The following MTUS2 variants were observed in gnomAD, a reference collection of about 807,000 sequenced individuals.
MTUS2 encodes microtubule-associated tumor suppressor candidate 2.
MTUS2 carries 40 observed loss-of-function variants against 114.1 expected under a neutral mutation model. The observed-to-expected ratio is 0.35, with a 90% CI of 0.27 to 0.46. MTUS2 has a LOEUF of 0.46. MTUS2 is among the 20% of genes least tolerant of loss of function. The pLI, the probability that MTUS2 is intolerant of heterozygous loss-of-function variation, is 1.00. For missense variants in MTUS2, 1,679 were observed against 1,705.4 expected, an observed-to-expected ratio of 0.98 and a Z score of 0.27; for synonymous variants, 688 against 672.0, an observed-to-expected ratio of 1.02 and a Z score of -0.37.
In MTUS2 at chr13:29,043,630, G is replaced by T. The variant is rs1471899486; in HGVS notation, c.2446+9505G>T. Among the ~76,000 whole-genome samples the T allele has an allele frequency of 1.9e-4, 29 of 149,024 alleles. No homozygotes were observed. The East Asian group carries it at 4.7e-3, about 24-fold the overall frequency. ...TAAATTTGGGAGCTCCAGTGTTAGA[G>T]ATATATATATATATATTTAGGGTTG... On this transcript the variant is annotated intron_variant, in intron 4 of 15. Transcript: ENST00000612955.
chr13:29,027,678 AGT>A, intron 3 of MTUS2, among the ~76,000 whole-genome samples: 1 of 152,160 alleles, frequency 6.6e-6, no homozygotes, highest in Non-Finnish European at 1.5e-5. Flanking sequence ...CAGCTTCCCT[AGT>A]ACCTGGGACT....
rs1870047139 is a variant in MTUS2 at position 29,359,439 on chromosome 13, C to G, written c.3083C>G (p.Ala1028Gly). The change falls in exon 8 of 16, where the codon GCC becomes GGC. Residue 1028 changes from alanine (A) to glycine (G), a missense_variant. Physicochemically the swap from Ala to Gly is moderately conservative, Grantham distance 60. This residue lies in a region of MTUS2 where 822 missense variants were observed against 899.7 expected (regional missense o/e 0.91). Coordinates refer to ENST00000612955, the MANE Select transcript of MTUS2 (RefSeq NM_001033602.4). ...ELKRAICGFD[A>G]LAVATQHFFR... The stretch of plus-strand genomic sequence containing the variant: ...AAGAGGGCCATCTGCGGCTTTGATG[C>G]CCTCGCCGTGGCCACGCAGCATTTC... 1 of 1,612,646 alleles carries G rather than the reference C, an allele frequency of 6.2e-7. No individual in the cohort carries two copies. The highest frequency in any genetic ancestry group is 8.5e-7 in the Non-Finnish European group (1 of 1,179,544).
intron 6 of MTUS2, among the ~76,000 whole-genome samples, chr13:29,282,378 G>C (rs1216508421): frequency 1.3e-5 from 2 of 152,366 alleles, no homozygotes; most frequent in African/African-American, 4.8e-5. Flanking sequence ...GGGCCTGCCA[G>C]ATTCAGTCCA....
chr13:28,860,515 G>T (rs1876903186), intron 2 of MTUS2, among the ~76,000 whole-genome samples: 1 of 152,224 alleles, frequency 6.6e-6, no homozygotes, highest in African/African-American at 2.4e-5. Context: ...CGGCTAGGAA[G>T]GGGGCTATCT....
intron 8 of MTUS2, among the ~76,000 whole-genome samples, chr13:29,391,641 A>G (rs1873475418): frequency 2.0e-5 from 1 of 49,298 alleles, no homozygotes; most frequent in African/African-American, 4.8e-5. Flanking sequence ...CTTTTTTAAA[A>G]TGTTTTTTTT....
intron 5 of MTUS2, among the ~76,000 whole-genome samples, chr13:29,245,375 A>T (rs1200231550): frequency 6.6e-6 from 1 of 152,138 alleles, no homozygotes; most frequent in Non-Finnish European, 1.5e-5. Flanking sequence ...TCCTGGGAAA[A>T]GATGAGTTTG....
intron 5 of MTUS2, among the ~76,000 whole-genome samples, chr13:29,208,007 A>G (rs186256640): frequency 1.3e-5 from 2 of 152,188 alleles, no homozygotes; most frequent in Admixed American, 1.3e-4. Context: ...ATTGGTACCA[A>G]TTCTTCTTTG....
intron 2 of MTUS2, among the ~76,000 whole-genome samples, chr13:29,002,813 A>G (rs779834378): frequency 3.3e-5 from 5 of 152,244 alleles, no homozygotes; most frequent in Admixed American, 6.5e-5. Flanking sequence ...CCCTCTTGAC[A>G]TAATTCAAAC....
At chr13:28,958,818 GT>G (rs1417232495) in intron 2 of MTUS2, among the ~76,000 whole-genome samples, 16 of 152,186 alleles carry the variant, frequency 1.1e-4, no homozygotes, top group African/African-American at 3.9e-4. Flanking sequence ...TGTCAGCAAG[GT>G]TAAATTCATT....
chr13:29,301,049 C>A (rs1566117892), intron 6 of MTUS2, among the ~76,000 whole-genome samples: 6 of 152,188 alleles, frequency 3.9e-5, no homozygotes, highest in Non-Finnish European at 8.8e-5. Context: ...CTTTAACCCA[C>A]CAGTCAGCAA....
At chr13:29,144,629 G>C (rs922670211) in intron 5 of MTUS2, among the ~76,000 whole-genome samples, 1 of 152,088 alleles carries the variant, frequency 6.6e-6, no homozygotes, top group Non-Finnish European at 1.5e-5. Flanking sequence ...TCATCTGGAG[G>C]TCACCCTCAG....
chr13:29,399,898 A>G (rs1286086527), intron 8 of MTUS2, among the ~76,000 whole-genome samples: 1 of 152,248 alleles, frequency 6.6e-6, no homozygotes, highest in African/African-American at 2.4e-5. Context: ...TAATGAAGCA[A>G]GGTGAATAAA....
At chr13:28,934,899 C>T (rs1383463864) in intron 2 of MTUS2, among the ~76,000 whole-genome samples, 1 of 152,076 alleles carries the variant, frequency 6.6e-6, no homozygotes, top group Non-Finnish European at 1.5e-5. Flanking sequence ...TACTGTGTAA[C>T]CACCATCCCC....
chr13:29,229,568 G>C (rs1566079405), intron 5 of MTUS2, among the ~76,000 whole-genome samples: 1 of 152,122 alleles, frequency 6.6e-6, no homozygotes. Context: ...TGTTTGGGTT[G>C]GACTCGGTCT....
At chr13:29,456,367 C>G (rs1280827370) in intron 9 of MTUS2, among the ~76,000 whole-genome samples, 2 of 152,122 alleles carry the variant, frequency 1.3e-5, no homozygotes, top group Admixed American at 1.3e-4. Flanking sequence ...GGGACTATAG[C>G]AACCAGGTCT....
chr13:29,118,495 T>A (rs987234982), intron 5 of MTUS2, among the ~76,000 whole-genome samples: 3 of 152,118 alleles, frequency 2.0e-5, no homozygotes, highest in Non-Finnish European at 1.5e-5. Context: ...ATTGTTGAAG[T>A]CCTACAACAT....
chr13:29,261,270 A>G (rs963805431), intron 5 of MTUS2, among the ~76,000 whole-genome samples: 5 of 152,200 alleles, frequency 3.3e-5, no homozygotes, highest in Non-Finnish European at 7.3e-5. Context: ...CCAGAAGCTA[A>G]GTCAAAGGAT....
chr13:29,480,224 A>C lies in MTUS2; in HGVS notation c.3259A>C (p.Lys1087Gln). Residue 1087 changes from lysine to glutamine, a missense_variant, in exon 10 of 16, where the codon AAG becomes CAG. This residue lies in a region of MTUS2 where 822 missense variants were observed against 899.7 expected (regional missense o/e 0.91). Transcript: ENST00000612955. The surrounding 1 kb of genome is among the most constrained non-coding windows in gnomAD (Gnocchi z 4.4). ...GGAGAGGCGGTTCGAGGACGAGGTG[A>C]AGAGGCTGGGCTGGCAGCAGCAGGC... Reference protein sequence around the residue: ...ELERRFEDEVKRLGWQQQAEL... With the variant: ...ELERRFEDEVQRLGWQQQAEL... The C allele has an allele frequency of 1.3e-6, 2 of 1,555,014 alleles. No individual in the cohort carries two copies. Among genetic ancestry groups the C allele is most frequent in the East Asian group, 4.8e-5 (2 of 41,346 alleles).
At chr13:29,294,652 A>G (rs146782597) in intron 6 of MTUS2, among the ~76,000 whole-genome samples, 1 of 152,352 alleles carries the variant, frequency 6.6e-6, no homozygotes, top group East Asian at 1.9e-4. Flanking sequence ...AAATGAAACA[A>G]GGCACAAGTT....
Sources: gnomAD v4.1 joint callset for allele counts (sites outside exome capture counted in the v4.1 genomes callset) on GRCh38, gnomAD v4.1.1 for gene constraint, gnomAD v4.1.1 regional missense constraint, Gnocchi (gnomAD v3.1) non-coding constraint, MANE v1.5 for transcripts, NCBI Gene and HGNC (gene_info 2026-07-23, HGNC 2026-07-21) for gene names.